The following NCOA7 variants were observed in gnomAD, a reference collection of about 807,000 sequenced individuals.
NCOA7 encodes the protein nuclear receptor coactivator 7.
NCOA7 carries 45 observed loss-of-function variants against 104.3 expected under a neutral mutation model. The ratio of observed to expected loss-of-function variants is 0.43; its 90% CI spans 0.34 to 0.55. NCOA7 has a LOEUF of 0.55. NCOA7 is among the 20% of genes least tolerant of loss of function. NCOA7 has a pLI of 0.02. For missense variants in NCOA7, 1,041 were observed against 1,119.7 expected, an observed-to-expected ratio of 0.93 and a Z score of 1.00; for synonymous variants, 398 against 402.3, an observed-to-expected ratio of 0.99 and a Z score of 0.13.
At chr6:125,785,136 G>A (rs1193370661) in intron 1 of NCOA7, among the ~76,000 whole-genome samples, 2 of 152,124 alleles carry the variant, frequency 1.3e-5, no homozygotes, top group Admixed American at 6.5e-5. Flanking sequence ...TCAGGAGTTC[G>A]AGACCAGCCT....
At chr6:125,839,875 T>C (rs748480769) in intron 2 of NCOA7, among the ~76,000 whole-genome samples, 1 of 152,088 alleles carries the variant, frequency 6.6e-6, no homozygotes. Context: ...TTACGGTACA[T>C]AATACTTGAT....
At chr6:125,786,665 C>A (rs143582621), upstream of NCOA7, among the ~76,000 whole-genome samples, 536 of 151,478 alleles carry the variant, frequency 3.5e-3, 1 homozygote, top group Non-Finnish European at 5.6e-3. Flanking sequence ...CAACCTCTCC[C>A]TCTCGGGTTC....
chr6:125,781,821 G>C (rs1307937556), intron 1 of NCOA7, among the ~76,000 whole-genome samples: 1 of 152,170 alleles, frequency 6.6e-6, no homozygotes, highest in Non-Finnish European at 1.5e-5. Flanking sequence ...GTATCTCCCA[G>C]AAATAATCTA....
chr6:125,819,861 T>G (rs1428052406), intron 2 of NCOA7, among the ~76,000 whole-genome samples: 1 of 152,200 alleles, frequency 6.6e-6, no homozygotes, highest in Non-Finnish European at 1.5e-5. Flanking sequence ...TGTATGCCAT[T>G]GGTTGAAGAT....
chr6:125,822,060 G>A (rs1199357444), intron 2 of NCOA7, among the ~76,000 whole-genome samples: 1 of 152,202 alleles, frequency 6.6e-6, no homozygotes, highest in Non-Finnish European at 1.5e-5. Context: ...TACCACGTGG[G>A]TGGAGTGGTG....
chr6:125,881,865 G>C (rs926728862), intron 6 of NCOA7, among the ~76,000 whole-genome samples: 1 of 151,564 alleles, frequency 6.6e-6, no homozygotes, highest in Non-Finnish European at 1.5e-5. Context: ...TTGTTTGTGT[G>C]TGTGAGACAG....
At chr6:125,869,326 C>T (rs1782686953) in intron 3 of NCOA7, among the ~76,000 whole-genome samples, 1 of 152,088 alleles carries the variant, frequency 6.6e-6, no homozygotes, top group Admixed American at 6.5e-5. Flanking sequence ...CCCAGTCTTC[C>T]CCCCCACCAG....
At chr6:125,928,064 T>C (rs922749071) in intron 14 of NCOA7, 110 bp from the exon 15 acceptor site, 13 of 1,031,892 alleles carry the variant, frequency 1.3e-5, no homozygotes, top group Non-Finnish European at 3.0e-6. Context: ...ACTTCCTCCG[T>C]CAATGGGGTG....
chr6:125,828,363 C>T (rs1273495957), intron 2 of NCOA7, among the ~76,000 whole-genome samples: 2 of 152,134 alleles, frequency 1.3e-5, no homozygotes, highest in Non-Finnish European at 2.9e-5. Flanking sequence ...TTGGAGGTCA[C>T]TGATAATTGA....
intron 1 of NCOA7, among the ~76,000 whole-genome samples, chr6:125,811,858 C>A (rs191804659): frequency 1.4e-4 from 21 of 152,130 alleles, no homozygotes; most frequent in African/African-American, 4.8e-4. Context: ...CCTTAACTTG[C>A]GAATTCTGTG....
upstream of NCOA7, chr6:125,786,300 C>T (rs1296144093): frequency 6.6e-6 from 1 of 152,138 alleles, no homozygotes; most frequent in Admixed American, 6.5e-5. Context: ...GTGCTAGTAG[C>T]CTAAGCTCAT....
chr6:125,910,212 C>T (rs1044866005), intron 10 of NCOA7, among the ~76,000 whole-genome samples: 2 of 152,106 alleles, frequency 1.3e-5, no homozygotes, highest in Non-Finnish European at 2.9e-5. Flanking sequence ...AATGCTAAGC[C>T]GGCTCTTAGT....
chr6:125,801,773 C>G (rs1488581867), intron 1 of NCOA7, among the ~76,000 whole-genome samples: 1 of 152,168 alleles, frequency 6.6e-6, no homozygotes, highest in African/African-American at 2.4e-5. Flanking sequence ...TGGCCATCTT[C>G]TTATGGGGAT....
intron 5 of NCOA7, 65 bp from the exon 6 acceptor site, chr6:125,881,025 C>G (rs925854260): frequency 9.6e-7 from 1 of 1,037,568 alleles, no homozygotes; most frequent in Non-Finnish European, 1.5e-6. Flanking sequence ...AATAACTTCT[C>G]CAAACACTCA....
chr6:125,857,441 A>AT (rs35775586), intron 3 of NCOA7, among the ~76,000 whole-genome samples: 2,354 of 139,610 alleles, frequency 0.017, 25 homozygotes, highest in Middle Eastern at 0.062. Context: ...ATATATATAT[A>AT]TTTTTTTTTT....
intron 2 of NCOA7, among the ~76,000 whole-genome samples, chr6:125,847,969 C>G (rs1266831999): frequency 1.3e-5 from 2 of 151,962 alleles, no homozygotes; most frequent in African/African-American, 2.4e-5. Context: ...AAAAAAACAA[C>G]CCCATCAAAA....
chr6:125,808,406 A>G (rs1156680296), intron 1 of NCOA7, among the ~76,000 whole-genome samples: 1 of 152,188 alleles, frequency 6.6e-6, no homozygotes, highest in African/African-American at 2.4e-5. Context: ...TCAGCTGATA[A>G]GTTATAGTTG....
Position 125,888,505 on chromosome 6 carries a change from T to C in NCOA7, c.885-434T>C, listed in dbSNP as rs144020276. Among the ~76,000 whole-genome samples the C allele has an allele frequency of 8.6e-4, 128 of 149,626 alleles. 2 individuals carry two copies. The East Asian group carries it at 0.023, about 27-fold the overall frequency. On this transcript the variant is annotated intron_variant, in intron 8 of 15. Transcript: ENST00000392477. ...CTTTTCAAAATTAATGTAGTTGTTT[T>C]CTACACTATTTGATAAAAAGGAAAA... is the stretch of plus-strand genomic sequence containing the variant.
intron 11 of NCOA7, chr6:125,919,437 T>A: frequency 6.2e-7 from 1 of 1,612,580 alleles, no homozygotes. Context: ...TGAAGGTATG[T>A]TGGAGTGCGT....
Sources: gnomAD v4.1 joint callset for allele counts (sites outside exome capture counted in the v4.1 genomes callset) on GRCh38, gnomAD v4.1.1 for gene constraint, MANE v1.5 for transcripts, NCBI Gene and HGNC (gene_info 2026-07-23, HGNC 2026-07-21) for gene names.